XPO5: variants seen among roughly 807,000 people sequenced by gnomAD.
The protein encoded by XPO5 is exportin 5, also known as exportin-5.
XPO5 carries 46 observed loss-of-function variants against 160.6 expected under a neutral mutation model. The ratio of observed to expected loss-of-function variants is 0.29; its 90% confidence interval spans 0.23 to 0.37. XPO5 has a LOEUF of 0.37. Ranked by LOEUF, XPO5 falls within the 10% of genes least tolerant of loss-of-function variation. XPO5 has a pLI of 1.00. For missense variants in XPO5, 1,090 were observed against 1,463.9 expected (o/e 0.74, Z 4.17); for synonymous variants, 537 against 519.3 (o/e 1.03, Z -0.46).
At chr6:43,573,717 C>A (rs959008704) in intron 1 of XPO5, 116 bp from the exon 2 acceptor site, 3 of 1,273,418 alleles carry the variant, frequency 2.4e-6, no homozygotes, top group South Asian at 1.5e-5. Flanking sequence ...CCTGTCCCAG[C>A]ACTCTGGGAG....
rs896161230 is a variant in XPO5, at chr6:43,553,396, T to C, written c.1549A>G (p.Met517Val). The change falls in exon 14 of 32, where the codon ATG becomes GTG. Residue 517 changes from methionine (M) to valine (V), a missense_variant. Coordinates refer to ENST00000265351, the MANE Select transcript of XPO5 (RefSeq NM_020750.3). ...TLFLESVITQ[M>V]FRTLNREEIP... is the part of the protein sequence containing the mutation. ...ACTTCTCTATTTAGTGTTCGAAACATCTGGGTGATAACACTTTCCAAAAAA... is the reference window on the plus strand; with the variant it reads ...ACTTCTCTATTTAGTGTTCGAAACACCTGGGTGATAACACTTTCCAAAAAA... 1 of 1,608,530 alleles carries C rather than the reference T, an allele frequency of 6.2e-7. No individual in the cohort carries two copies. The highest frequency in any genetic ancestry group is 2.2e-5 in the East Asian group (1 of 44,796).
chr6:43,570,397 AG>A, intron 5 of XPO5, 104 bp downstream of exon 5: 1 of 903,714 alleles, frequency 1.1e-6, no homozygotes, highest in Non-Finnish European at 1.5e-6. Context: ...CTTATAAAAT[AG>A]GATTTCATTT....
intron 28 of XPO5, 87 bp from the exon 29 acceptor site, chr6:43,525,301 T>G (rs1418202806): frequency 1.5e-6 from 2 of 1,328,296 alleles, no homozygotes; most frequent in African/African-American, 3.0e-5. Flanking sequence ...CGGAGGGTTT[T>G]TTTTTTTTCC....
chr6:43,560,311 GAAA>G lies in XPO5; in HGVS notation c.1096-11_1096-9del, dbSNP rs771450577. Reference sequence around the variant, plus strand: ...AGTTGAAGAGCGTAGAAACTAAAGAGAAAAAAAAAAGAAAACGTCAAAGGATTT... The same window carrying G: ...AGTTGAAGAGCGTAGAAACTAAAGAGAAAAAAAGAAAACGTCAAAGGATTT... On this transcript the variant is annotated splice_polypyrimidine_tract_variant and intron_variant, in intron 10 of 31. Transcript: ENST00000265351. The G allele has an allele frequency of 1.4e-6, 2 of 1,418,164 alleles. No homozygotes were observed. The highest frequency in any genetic ancestry group is 1.5e-5 in the African/African-American group (1 of 67,310). 87.8% of individuals were successfully genotyped at this position (1,418,164 alleles called of 1,614,324 possible). A position where few individuals can be genotyped will look rare whatever the true frequency, so the allele number is the denominator to read the frequency against.
rs1795354527 is a variant in XPO5, at chr6:43,553,510, AACACACACACACACATACAC to A, written c.1442-27_1442-8del. 2 of 1,503,524 alleles carry A rather than the reference AACACACACACACACATACAC, an allele frequency of 1.3e-6. No homozygotes were observed. Among genetic ancestry groups the A allele is most frequent in the East Asian group, 2.6e-5 (1 of 38,062 alleles). 93.1% of individuals were successfully genotyped at this position (1,503,524 alleles called of 1,614,324 possible). ...GTTCCAACTGCAGAACAAGCTTTAA[AACACACACACACACATACAC>A]ACACACACACACACACACAATTATC... On this transcript the variant is annotated splice_polypyrimidine_tract_variant and splice_region_variant and intron_variant, in intron 13 of 31. Coordinates refer to ENST00000265351, the MANE Select transcript of XPO5 (RefSeq NM_020750.3).
At chr6:43,549,999 T>C in intron 15 of XPO5, 65 bp from the exon 16 acceptor site, 1 of 1,539,442 alleles carries the variant, frequency 6.5e-7, no homozygotes, top group East Asian at 2.3e-5. Context: ...TCTTGCTATG[T>C]TGCCCAGACT....
Position 43,572,556 on chromosome 6 carries a change from G to A in XPO5, c.250C>T (p.Arg84Ter). The change falls in exon 3 of 32, where the codon CGA becomes TGA. Residue 84 changes from arginine (R) to a stop codon, truncating the protein, a stop_gained. Transcript: ENST00000265351. LOFTEE classifies it high-confidence loss of function. ...VVKFRWNGMS[R>*]LEKVYLKNSV... ...TTCTTCAGATACACCTTCTCCAATC[G>A]AGACATGCCGTTCCACCGAAACCTG... 2.5e-6 allele frequency: 4 copies of A among 1,613,680 alleles called. No individual in the cohort carries two copies. The highest frequency in any genetic ancestry group is 3.4e-6 in the Non-Finnish European group (4 of 1,179,844).
chr6:43,568,633 T>A, intron 6 of XPO5, 78 bp downstream of exon 6: 2 of 1,283,668 alleles, frequency 1.6e-6, no homozygotes, highest in Non-Finnish European at 2.1e-6. Flanking sequence ...AAGGCTGAGG[T>A]CACCATCCAC....
At chr6:43,541,272 G>A (rs1014463628) in intron 20 of XPO5, among the ~76,000 whole-genome samples, 5 of 152,188 alleles carry the variant, frequency 3.3e-5, no homozygotes, top group African/African-American at 1.2e-4. Context: ...TAACTGGATT[G>A]TTTGTAACAC....
chr6:43,524,101 A>C (rs1332478215), intron 31 of XPO5, 96 bp from the exon 32 acceptor site: 2 of 1,510,290 alleles, frequency 1.3e-6, no homozygotes, highest in Admixed American at 4.1e-5. Flanking sequence ...CTGTAATCCC[A>C]ACACTTTTGG....
Position 43,523,936 on chromosome 6 carries a change from T to C in XPO5, c.3547A>G (p.Lys1183Glu). ...AGCACCTCCGTCTCCAGCATTGGCT[T>C]TGTTTTTTTGAAAAGTGAGGGAAGA... ...KNLPSLFKKT[K>E]PMLETEVLDN... is the part of the protein sequence containing the mutation. The change falls in exon 32 of 32, where the codon AAG becomes GAG. Residue 1183 changes from lysine (K) to glutamate (E), a missense_variant. This residue lies in a region of XPO5 where 810 missense variants were observed against 1,139.0 expected (regional missense o/e 0.71). Transcript: ENST00000265351. The C allele has an allele frequency of 6.2e-7, 1 of 1,614,040 alleles. No homozygotes were observed. The highest frequency in any genetic ancestry group is 8.5e-7 in the Non-Finnish European group (1 of 1,179,894).
intron 20 of XPO5, 34 bp from the exon 21 acceptor site, chr6:43,534,041 A>G (rs2127711494): frequency 6.6e-7 from 1 of 1,511,910 alleles, no homozygotes; most frequent in Non-Finnish European, 9.1e-7. Flanking sequence ...GAGCTTTTCC[A>G]TCTGATGCAG....
chr6:43,528,236 A>G, intron 24 of XPO5, 31 bp from the exon 25 acceptor site: 2 of 1,568,458 alleles, frequency 1.3e-6, no homozygotes, highest in Non-Finnish European at 1.7e-6. Flanking sequence ...TAAATGCTAG[A>G]ATTGGGGAAA....
chr6:43,547,993 T>C (rs890762111), intron 18 of XPO5, among the ~76,000 whole-genome samples: 4 of 152,228 alleles, frequency 2.6e-5, no homozygotes, highest in Non-Finnish European at 5.9e-5. Context: ...TGTGTGGTTG[T>C]ATGGCCCTTC....
chr6:43,543,396 T>C (rs1010970060), intron 20 of XPO5, among the ~76,000 whole-genome samples: 5 of 152,166 alleles, frequency 3.3e-5, no homozygotes, highest in African/African-American at 4.8e-5. Context: ...GAGGCTGCAG[T>C]GAGCCGTGAT....
chr6:43,528,959 G>A, intron 23 of XPO5, 34 bp from the exon 24 acceptor site: 1 of 1,586,362 alleles, frequency 6.3e-7, no homozygotes, highest in Non-Finnish European at 8.6e-7. Flanking sequence ...TTAGTGCATA[G>A]GCACACATCT....
At chr6:43,537,951 C>G (rs1025566432) in intron 20 of XPO5, among the ~76,000 whole-genome samples, 2 of 151,104 alleles carry the variant, frequency 1.3e-5, no homozygotes, top group African/African-American at 2.4e-5. Flanking sequence ...ACCTGTAATC[C>G]CAGCTACTCG....
intron 20 of XPO5, 80 bp from the exon 21 acceptor site, chr6:43,534,087 A>G (rs368768294): frequency 2.7e-6 from 3 of 1,114,632 alleles, no homozygotes; most frequent in Admixed American, 3.7e-5. Context: ...ATCCAGTGAT[A>G]CTACAGTTTC....
At chr6:43,567,737 A>C (rs1407918548) in intron 6 of XPO5, among the ~76,000 whole-genome samples, 1 of 152,002 alleles carries the variant, frequency 6.6e-6, no homozygotes, top group East Asian at 1.9e-4. Context: ...TACCAAAAAA[A>C]CAAAAAATAA....
Sources: allele counts gnomAD v4.1 joint callset (sites outside exome capture counted in the v4.1 genomes callset), GRCh38; gene constraint gnomAD v4.1.1; regional missense constraint gnomAD v4.1.1; transcripts MANE v1.5; gene names NCBI Gene and HGNC (gene_info 2026-07-23, HGNC 2026-07-21).